The following RGS17 variants were observed in gnomAD, a reference collection of about 807,000 sequenced individuals.
The protein encoded by RGS17 is regulator of G-protein signaling 17.
Under a neutral mutation model 25.5 loss-of-function variants are expected in RGS17, and 12 were observed. The observed-to-expected ratio is 0.47, with a 90% confidence interval of 0.30 to 0.76. The LOEUF (loss-of-function observed/expected upper bound fraction) is 0.76. RGS17 is among the 30% of genes least tolerant of loss of function. The pLI, the probability that RGS17 is intolerant of heterozygous loss-of-function variation, is 0.07. For synonymous variants in RGS17, 71 were observed against 76.9 expected, an observed-to-expected ratio of 0.92 and a Z score of 0.40; for missense variants, 196 against 242.2, an observed-to-expected ratio of 0.81 and a Z score of 1.27.
At chr6:153,100,547 A>G (rs1201041693) in intron 1 of RGS17, among the ~76,000 whole-genome samples, 1 of 3,864 alleles carries the variant, frequency 2.6e-4, no homozygotes, top group Non-Finnish European at 4.1e-4. Flanking sequence ...AAGAAAAAGA[A>G]AAAAAAGGAA....
rs577005868 is a variant in RGS17, at chr6:153,109,541, G to A, written c.-26+21583C>T. On this transcript the variant is annotated intron_variant, in intron 1 of 4. Coordinates refer to ENST00000206262, the MANE Select transcript of RGS17 (RefSeq NM_012419.5). ...GACTAAGTAATACAGACAATATCAC[G>A]ATCAAACCTCCTCTTTCAGCATGGA... Among the ~76,000 whole-genome samples the A allele has an allele frequency of 2.0e-3, 308 of 152,232 alleles. 1 individual carries two copies. Among genetic ancestry groups the A allele is most frequent in the African/African-American group, 7.0e-3 (290 of 41,546 alleles).
chr6:153,028,812 T>C (rs1020964373), intron 2 of RGS17, among the ~76,000 whole-genome samples: 1 of 152,228 alleles, frequency 6.6e-6, no homozygotes, highest in Non-Finnish European at 1.5e-5. Context: ...GCTTAAATAA[T>C]AAACTCCTTG....
chr6:153,128,117 A>C (rs1390054727), intron 1 of RGS17, among the ~76,000 whole-genome samples: 1 of 152,294 alleles, frequency 6.6e-6, no homozygotes, highest in Admixed American at 6.5e-5. Context: ...ATAGCAAAGG[A>C]TTATTTTAAG....
In RGS17 at chr6:153,007,341, CAGG is replaced by C. The variant is rs1327162379; in HGVS notation, c.*4230_*4232del. The C allele has an allele frequency of 2.6e-5, 4 of 151,988 alleles. No homozygotes were observed. The highest frequency in any genetic ancestry group is 4.4e-5 in the Non-Finnish European group (3 of 67,990). 9.4% of individuals were successfully genotyped at this position (151,988 alleles called of 1,614,324 possible). Reference sequence around the variant, plus strand: ...TTTTGCAGATTGGATATTGTTTTTGCAGGAGAACAAACCCATTGGTCAGAAATT... The same window carrying C: ...TTTTGCAGATTGGATATTGTTTTTGCAGAACAAACCCATTGGTCAGAAATT... On this transcript the variant is annotated 3_prime_UTR_variant, in exon 5 of 5. Coordinates refer to ENST00000206262, the MANE Select transcript of RGS17 (RefSeq NM_012419.5).
chr6:153,020,300 C>T (rs1201498621), intron 4 of RGS17, among the ~76,000 whole-genome samples: 1 of 149,854 alleles, frequency 6.7e-6, no homozygotes, highest in South Asian at 2.1e-4. Flanking sequence ...ATTACAGGTG[C>T]CCGCCACCAC....
At chr6:153,080,476 T>C (rs1776958282) in intron 1 of RGS17, among the ~76,000 whole-genome samples, 1 of 152,158 alleles carries the variant, frequency 6.6e-6, no homozygotes, top group Non-Finnish European at 1.5e-5. Context: ...AGTTTTATTA[T>C]TATTACAGTT....
chr6:153,106,013 G>C (rs2129124257), intron 1 of RGS17, among the ~76,000 whole-genome samples: 1 of 152,276 alleles, frequency 6.6e-6, no homozygotes, highest in South Asian at 2.1e-4. Flanking sequence ...AGGATGATGG[G>C]AACTGGGAGA....
chr6:153,087,040 T>C (rs899113191), intron 1 of RGS17, among the ~76,000 whole-genome samples: 1 of 152,110 alleles, frequency 6.6e-6, no homozygotes, highest in Admixed American at 6.5e-5. Context: ...CCCAGCACTT[T>C]GGGAGGCTGA....
intron 1 of RGS17, among the ~76,000 whole-genome samples, chr6:153,054,062 A>T (rs1776513615): frequency 1.7e-5 from 1 of 58,428 alleles, no homozygotes; most frequent in Admixed American, 2.5e-4. Context: ...TATATAATAT[A>T]TATACATATA....
chr6:153,096,100 G>T (rs1484576930), intron 1 of RGS17, among the ~76,000 whole-genome samples: 6 of 152,168 alleles, frequency 3.9e-5, no homozygotes, highest in South Asian at 4.1e-4. Context: ...TTTGAACAAC[G>T]TGCTACTGGA....
chr6:153,100,436 G>A (rs183525839), intron 1 of RGS17, among the ~76,000 whole-genome samples: 1 of 151,770 alleles, frequency 6.6e-6, no homozygotes, highest in Non-Finnish European at 1.5e-5. Flanking sequence ...TACAGCAAAA[G>A]GCTAATTATC....
At chr6:153,033,816 C>A (rs1471691654) in intron 2 of RGS17, among the ~76,000 whole-genome samples, 1 of 152,144 alleles carries the variant, frequency 6.6e-6, no homozygotes, top group African/African-American at 2.4e-5. Flanking sequence ...GATTAAAATC[C>A]TATTTTAAGC....
chr6:153,026,022 G>A (rs573500125), intron 3 of RGS17, among the ~76,000 whole-genome samples: 15 of 152,248 alleles, frequency 9.9e-5, no homozygotes, highest in African/African-American at 2.6e-4. Flanking sequence ...GAGGCAGCAC[G>A]TGGGGAGAGT....
intron 1 of RGS17, among the ~76,000 whole-genome samples, chr6:153,067,046 AAAAC>A (rs71017577): frequency 0.074 from 11,210 of 151,666 alleles, 444 homozygotes; most frequent in African/African-American, 0.082. Flanking sequence ...TCTCAAAAAC[AAAAC>A]AAACAAACAA....
chr6:153,036,303 A>G (rs944132994), intron 2 of RGS17, among the ~76,000 whole-genome samples: 1 of 152,004 alleles, frequency 6.6e-6, no homozygotes, highest in Non-Finnish European at 1.5e-5. Context: ...TCCTCCTGCC[A>G]TGTCCTCCCA....
intron 2 of RGS17, among the ~76,000 whole-genome samples, chr6:153,029,585 C>G (rs900009208): frequency 1.4e-4 from 21 of 146,424 alleles, no homozygotes; most frequent in African/African-American, 5.4e-4. Flanking sequence ...TTTTTTTTTT[C>G]TTTTTCTTTT....
chr6:153,089,885 TATGA>T (rs1777102300), intron 1 of RGS17, among the ~76,000 whole-genome samples: 1 of 152,192 alleles, frequency 6.6e-6, no homozygotes. Context: ...CCAAATGTGT[TATGA>T]ATATTTTTTT....
At position 153,073,479 on chromosome 6, in the gene RGS17, T is replaced by C. The variant is rs572774774; in HGVS notation, c.-25-29436A>G. Among the ~76,000 whole-genome samples the C allele has an allele frequency of 4.6e-5, 7 of 152,184 alleles. No homozygotes were observed. The South Asian group carries it at 1.0e-3, about 23-fold the overall frequency. On this transcript the variant is annotated intron_variant, in intron 1 of 4. Transcript: ENST00000206262. ...CAAGGGTGCAGTCAAACTTAGAGTG[T>C]TTAGAAATGGGTTGTTTAAAAACGG... is the stretch of plus-strand genomic sequence containing the variant.
chr6:153,027,276 C>CAAGAAT (rs1035658448), intron 2 of RGS17, among the ~76,000 whole-genome samples: 3 of 152,028 alleles, frequency 2.0e-5, no homozygotes, highest in South Asian at 2.1e-4. Flanking sequence ...TAGCCCAGAA[C>CAAGAAT]AAGAATAAGA....
Sources: allele counts gnomAD v4.1 joint callset (sites outside exome capture counted in the v4.1 genomes callset), GRCh38; gene constraint gnomAD v4.1.1; transcripts MANE v1.5; gene names NCBI Gene and HGNC (gene_info 2026-07-23, HGNC 2026-07-21).